The following MAPK11 variants were observed in gnomAD, a reference collection of about 807,000 sequenced individuals.
MAPK11 encodes the protein mitogen-activated protein kinase 11.
Under a neutral mutation model 52.2 loss-of-function variants are expected in MAPK11, and 44 were observed. The observed-to-expected ratio is 0.84, with a 90% CI of 0.66 to 1.08. The LOEUF (loss-of-function observed/expected upper bound fraction) is 1.08. Among genes scored for constraint, MAPK11 ranks in the 50% least tolerant of loss-of-function variants. MAPK11 has a pLI of 0.00. For missense variants in MAPK11, 436 were observed against 494.7 expected (o/e 0.88, Z 1.13); for synonymous variants, 233 against 206.3 (o/e 1.13, Z -1.11).
In MAPK11 at chr22:50,266,235, G is replaced by C. The variant is rs773178299; in HGVS notation, c.753C>G (p.Ser251=). 11 of 1,596,722 alleles carry C rather than the reference G, an allele frequency of 6.9e-6. No homozygotes were observed. Among genetic ancestry groups the C allele is most frequent in the Non-Finnish European group, 8.5e-6 (10 of 1,171,022 alleles). The stretch of plus-strand genomic sequence containing the variant: ...GCGGGCACCAACTCACGTGTTCTGA[G>C]GAGATTTTTGCCAGAACCTCAGGGC... ...TPSPEVLAKI[S]SEHARTYIQS... is the part of the protein sequence containing the mutation. The change falls in exon 9 of 12, where the codon TCC becomes TCG. Residue 251 remains serine (S), a synonymous_variant. Coordinates refer to ENST00000330651, the MANE Select transcript of MAPK11 (RefSeq NM_002751.7).
intron 4 of MAPK11, 35 bp from the exon 5 acceptor site, chr22:50,267,321 G>A: frequency 4.1e-6 from 4 of 982,380 alleles, no homozygotes; most frequent in South Asian, 3.9e-5. Context: ...CGCCGGGCCC[G>A]GCCCGCCCGC....
intron 1 of MAPK11, among the ~76,000 whole-genome samples, chr22:50,269,069 G>A (rs946927380): frequency 6.6e-5 from 10 of 152,212 alleles, no homozygotes; most frequent in Non-Finnish European, 8.8e-5. Flanking sequence ...TCAGAGAACC[G>A]GACACCTCTC....
Position 50,264,896 on chromosome 22 carries a change from G to A in MAPK11, c.*52C>T, listed in dbSNP as rs199777584. On this transcript the variant is annotated 3_prime_UTR_variant, in exon 12 of 12. Transcript: ENST00000330651. Reference sequence around the variant, plus strand: ...CGAGGAAACCAGGCCAGCTGTGGAAGGGTGCAGGCCCAAGCCCCTCCACAG... The same window carrying A: ...CGAGGAAACCAGGCCAGCTGTGGAAAGGTGCAGGCCCAAGCCCCTCCACAG... The A allele has an allele frequency of 1.1e-4, 161 of 1,446,052 alleles. No homozygotes were observed. The highest frequency in any genetic ancestry group is 1.8e-4 in the Middle Eastern group (1 of 5,616). The allele number at this position is 1,446,052 out of a possible 1,614,324, so 89.6% of individuals were successfully genotyped here.
intron 1 of MAPK11, 125 bp from the exon 2 acceptor site, chr22:50,268,074 G>A (rs2065281065): frequency 1.8e-6 from 2 of 1,125,814 alleles, no homozygotes; most frequent in East Asian, 3.2e-5. Flanking sequence ...TTTCTGCCCC[G>A]GCCCCGCCGC....
rs1383786201 is a variant in MAPK11 at position 50,267,053 on chromosome 22, G to A, written c.496-5C>T. 1.2e-6 allele frequency: 2 copies of A among 1,611,754 alleles called. No homozygotes were observed. Among genetic ancestry groups the A allele is most frequent in the African/African-American group, 1.3e-5 (1 of 74,914 alleles). On this transcript the variant is annotated splice_region_variant and splice_polypyrimidine_tract_variant and intron_variant, in intron 6 of 11. Coordinates refer to ENST00000330651, the MANE Select transcript of MAPK11 (RefSeq NM_002751.7). ...CGCCAGCCCAAAATCCAGGATCTGGGGCGACCACGTGGTGTTCTCAAGCTC... is the reference window on the plus strand; with the variant it reads ...CGCCAGCCCAAAATCCAGGATCTGGAGCGACCACGTGGTGTTCTCAAGCTC...
At position 50,267,965 on chromosome 22, in the gene MAPK11, G is replaced by A. The variant is rs897982131; in HGVS notation, c.117-16C>T. On this transcript the variant is annotated splice_polypyrimidine_tract_variant and intron_variant, in intron 1 of 11. Transcript: ENST00000330651. ...GTAGGCCGAACTGGAAGGCGGGCGA[G>A]TGAGGCGGCGCCGGGAGGGGTCCGA... 1.3e-6 allele frequency: 2 copies of A among 1,537,030 alleles called. No individual in the cohort carries two copies. Among genetic ancestry groups the A allele is most frequent in the Non-Finnish European group, 1.7e-6 (2 of 1,144,116 alleles).
At chr22:50,267,083 C>G in intron 6 of MAPK11, 35 bp from the exon 7 acceptor site, 2 of 1,611,088 alleles carry the variant, frequency 1.2e-6, no homozygotes, top group Non-Finnish European at 1.7e-6. Flanking sequence ...AAGCTCCGCA[C>G]GGGCTCCGCC....
At chr22:50,269,563 G>A (rs1425689516) in intron 1 of MAPK11, among the ~76,000 whole-genome samples, 1 of 152,198 alleles carries the variant, frequency 6.6e-6, no homozygotes, top group African/African-American at 2.4e-5. Context: ...CTGGCTACCC[G>A]GGTCTAACAG....
At chr22:50,267,317 GC>G in intron 4 of MAPK11, 31 bp from the exon 5 acceptor site, 1 of 1,537,712 alleles carries the variant, frequency 6.5e-7, no homozygotes, top group Non-Finnish European at 8.9e-7. Context: ...TGAGCGCCGG[GC>G]CCGGCCCGCC....
rs1431675741 is a variant in MAPK11, at chr22:50,270,280, G to C, written c.13C>G (p.Arg5Gly). MSGPRAGFYRQELNK... is the reference protein window; with the variant it reads MSGPGAGFYRQELNK... ...AGCTCCTGCCGGTAGAAGCCGGCGC[G>C]AGGGCCCGACATGTCCGGAGCAGCC... Residue 5 changes from arginine to glycine, a missense_variant, in exon 1 of 12, where the codon CGC becomes GGC. By Grantham distance (125) the Arg-to-Gly change is moderately radical (BLOSUM62 -2). Coordinates refer to ENST00000330651, the MANE Select transcript of MAPK11 (RefSeq NM_002751.7). The surrounding 1 kb of genome is among the most constrained non-coding windows in gnomAD (Gnocchi z 6.3). The C allele has an allele frequency of 2.1e-6, 3 of 1,409,130 alleles. No individual in the cohort carries two copies. The highest frequency in any genetic ancestry group is 1.5e-5 in the African/African-American group (1 of 67,074). 87.3% of individuals were successfully genotyped at this position (1,409,130 alleles called of 1,614,324 possible).
At chr22:50,267,796 C>A in intron 2 of MAPK11, 24 bp downstream of exon 2, 1 of 1,519,976 alleles carries the variant, frequency 6.6e-7, no homozygotes, top group South Asian at 1.2e-5. Flanking sequence ...CGCGCCCTCC[C>A]CCCACGGCCC....
rs780787294 is a variant in MAPK11 at position 50,265,605 on chromosome 22, A to T, written c.818T>A (p.Ile273Asn). 1 of 1,611,038 alleles carries T rather than the reference A, an allele frequency of 6.2e-7. No homozygotes were observed. Among genetic ancestry groups the T allele is most frequent in the South Asian group, 1.1e-5 (1 of 90,858 alleles). Residue 273 changes from isoleucine (I) to asparagine (N), a missense_variant, in exon 10 of 12, where the codon ATC becomes AAC. Physicochemically the swap from Ile to Asn is moderately radical, Grantham distance 149 (BLOSUM62 -3). Coordinates refer to ENST00000330651, the MANE Select transcript of MAPK11 (RefSeq NM_002751.7). The stretch of plus-strand genomic sequence containing the variant: ...ACCCAGGGGGTTGGCTCCACGGAAG[A>T]TGCTGCTCAGGTCCTTCTGGGGCAT... Reference protein sequence around the residue: ...PPMPQKDLSSIFRGANPLAID... With the variant: ...PPMPQKDLSSNFRGANPLAID...
intron 1 of MAPK11, among the ~76,000 whole-genome samples, chr22:50,268,500 G>T (rs564678906): frequency 6.6e-6 from 1 of 152,302 alleles, no homozygotes; most frequent in East Asian, 1.9e-4. Flanking sequence ...GGGACAGAAG[G>T]TGATGTACAG....
At position 50,264,750 on chromosome 22, in the gene MAPK11, C is replaced by G; in HGVS notation, c.*198G>C. ...CCCAGGGACACTTGTGCCCAGACTC[C>G]TACACATGGCAAGCACATGTACACA... On this transcript the variant is annotated 3_prime_UTR_variant, in exon 12 of 12. Transcript: ENST00000330651. 1.8e-6 allele frequency: 1 copy of G among 555,938 alleles called. No homozygotes were observed. Among genetic ancestry groups the G allele is most frequent in the Non-Finnish European group, 3.2e-6 (1 of 308,402 alleles). 34.4% of individuals were successfully genotyped at this position (555,938 alleles called of 1,614,324 possible).
chr22:50,266,102 G>T, intron 9 of MAPK11, 124 bp downstream of exon 9: 1 of 781,324 alleles, frequency 1.3e-6, no homozygotes, highest in Non-Finnish European at 2.0e-6. Flanking sequence ...ACCTGCCCTA[G>T]GCTCTATCCC....
At chr22:50,267,651 C>T (rs2065275339) in intron 2 of MAPK11, 24 bp from the exon 3 acceptor site, 7 of 1,521,506 alleles carry the variant, frequency 4.6e-6, no homozygotes, top group African/African-American at 1.4e-5. Flanking sequence ...GGCGTCAGGG[C>T]CGGGCGACGA....
At chr22:50,266,833 T>A in intron 7 of MAPK11, 101 bp downstream of exon 7, 1 of 1,198,310 alleles carries the variant, frequency 8.3e-7, no homozygotes, top group Non-Finnish European at 1.2e-6. Flanking sequence ...GGTCCCACAT[T>A]CTTGGGGACC....
rs749821378 is a variant in MAPK11 at position 50,267,679 on chromosome 22, A to G, written c.247-52T>C. 3.2e-5 allele frequency: 47 copies of G among 1,485,696 alleles called. No individual in the cohort carries two copies. The African/African-American group carries it at 6.3e-4, about 20-fold the overall frequency. 92.0% of individuals were successfully genotyped at this position (1,485,696 alleles called of 1,614,324 possible). ...GGCGACGAACCCCCGGCTGTCGTTCAGCTCCCCCCGGGCCACGCCCCCAGT... is the reference window on the plus strand; with the variant it reads ...GGCGACGAACCCCCGGCTGTCGTTCGGCTCCCCCCGGGCCACGCCCCCAGT... On this transcript the variant is annotated intron_variant, in intron 2 of 11. Coordinates refer to ENST00000330651, the MANE Select transcript of MAPK11 (RefSeq NM_002751.7).
At position 50,270,128 on chromosome 22, in the gene MAPK11, T is replaced by TCCGGC. The variant is rs1170701416; in HGVS notation, c.116+44_116+48dup. 1.7e-5 allele frequency: 18 copies of TCCGGC among 1,046,182 alleles called. No individual in the cohort carries two copies. Among genetic ancestry groups the TCCGGC allele is most frequent in the East Asian group, 1.3e-4 (4 of 29,986 alleles). 64.8% of individuals were successfully genotyped at this position (1,046,182 alleles called of 1,614,324 possible). On this transcript the variant is annotated intron_variant, in intron 1 of 11. Coordinates refer to ENST00000330651, the MANE Select transcript of MAPK11 (RefSeq NM_002751.7). The surrounding 1 kb of genome is among the most constrained non-coding windows in gnomAD (Gnocchi z 6.3). Reference sequence around the variant, plus strand: ...GCGCGGGCGAGGAGGGGACGCGCTCTCCGGCCCGGCCCGGCCCCCACCCAG... The same window carrying TCCGGC: ...GCGCGGGCGAGGAGGGGACGCGCTCTCCGGCCCGGCCCGGCCCGGCCCCCACCCAG...
Sources: allele counts gnomAD v4.1 joint callset (sites outside exome capture counted in the v4.1 genomes callset), GRCh38; gene constraint gnomAD v4.1.1; non-coding constraint Gnocchi (gnomAD v3.1); transcripts MANE v1.5; gene names NCBI Gene and HGNC (gene_info 2026-07-23, HGNC 2026-07-21).